Variants in TAFA2 observed in about 807,000 individuals in gnomAD.
TAFA2 encodes TAFA chemokine like family member 2.
TAFA2 carries 7 observed loss-of-function variants against 18.8 expected under a neutral mutation model. That is an observed-to-expected ratio of 0.37 (90% CI 0.21 to 0.70). The LOEUF is 0.70. TAFA2 is among the 30% of genes least tolerant of loss of function. The pLI is 0.53. For synonymous variants in TAFA2, 60 were observed against 54.2 expected, an observed-to-expected ratio of 1.11 and a Z score of -0.47; for missense variants, 122 against 158.1, an observed-to-expected ratio of 0.77 and a Z score of 1.23.
At chr12:62,070,634 A>T (rs997046105) in intron 1 of TAFA2, 43 of 152,152 alleles carry the variant, frequency 2.8e-4, no homozygotes, top group African/African-American at 1.0e-3. Context: ...TTCAGAAATC[A>T]TTTGCACTTC....
intron 1 of TAFA2, among the ~76,000 whole-genome samples, chr12:61,985,346 G>T (rs1208498298): frequency 6.6e-6 from 1 of 152,296 alleles, no homozygotes; most frequent in Non-Finnish European, 1.5e-5. Flanking sequence ...GAGCCATAAA[G>T]GACAAACGAT....
At chr12:62,035,729 C>CTTTTT (rs1881583307) in intron 1 of TAFA2, among the ~76,000 whole-genome samples, 1 of 74,758 alleles carries the variant, frequency 1.3e-5, no homozygotes, top group African/African-American at 5.7e-5. Context: ...GTCAATGATT[C>CTTTTT]TTTCTTTTTT....
At chr12:61,897,542 A>G (rs1233201620) in intron 1 of TAFA2, among the ~76,000 whole-genome samples, 2 of 151,652 alleles carry the variant, frequency 1.3e-5, no homozygotes, top group East Asian at 3.9e-4. Context: ...AGCAGGTGAG[A>G]GAGAGAGGAA....
intron 1 of TAFA2, among the ~76,000 whole-genome samples, chr12:61,937,189 T>C (rs918267376): frequency 8.5e-5 from 13 of 152,208 alleles, no homozygotes; most frequent in African/African-American, 2.9e-4. Context: ...CCCAGGTTCA[T>C]GAATTGGAAG....
intron 1 of TAFA2, among the ~76,000 whole-genome samples, chr12:62,163,809 G>A (rs960699548): frequency 6.6e-6 from 1 of 151,986 alleles, no homozygotes; most frequent in Non-Finnish European, 1.5e-5. Context: ...TCTTCAAAAA[G>A]CTGGACAAAG....
chr12:61,805,643 A>C (rs1008208587), intron 2 of TAFA2, among the ~76,000 whole-genome samples: 1 of 152,110 alleles, frequency 6.6e-6, no homozygotes, highest in Non-Finnish European at 1.5e-5. Context: ...AGATGCCCCA[A>C]ACAATCCTCT....
chr12:61,925,878 C>T (rs182655992), intron 1 of TAFA2, among the ~76,000 whole-genome samples: 28 of 152,108 alleles, frequency 1.8e-4, no homozygotes, highest in African/African-American at 2.4e-4. Context: ...GATACAGACA[C>T]GAAAAGCCCT....
chr12:62,151,117 C>T (rs1402292159), intron 1 of TAFA2, among the ~76,000 whole-genome samples: 1 of 152,132 alleles, frequency 6.6e-6, no homozygotes, highest in Non-Finnish European at 1.5e-5. Flanking sequence ...TTATTTCTCA[C>T]GTCTGTTCAA....
chr12:62,140,131 G>A (rs1278149907), intron 1 of TAFA2: 1 of 152,182 alleles, frequency 6.6e-6, no homozygotes, highest in Non-Finnish European at 1.5e-5. Flanking sequence ...GTCCTGGGAA[G>A]TTGGCAGATT....
chr12:61,855,925 C>T (rs961299451), intron 2 of TAFA2, among the ~76,000 whole-genome samples: 3 of 151,770 alleles, frequency 2.0e-5, no homozygotes, highest in African/African-American at 7.3e-5. Context: ...GCATCAAAGA[C>T]AAAATAAAAG....
chr12:61,728,946 T>G (rs1870308742), intron 4 of TAFA2, among the ~76,000 whole-genome samples: 1 of 152,080 alleles, frequency 6.6e-6, no homozygotes, highest in East Asian at 1.9e-4. Context: ...TAGTAGCAAA[T>G]TCTCTCAGCA....
At chr12:62,167,233 A>C (rs565707802) in intron 1 of TAFA2, among the ~76,000 whole-genome samples, 3 of 152,264 alleles carry the variant, frequency 2.0e-5, no homozygotes, top group African/African-American at 4.8e-5. Context: ...GAAGGGGACA[A>C]GGACAGAAGC....
chr12:61,877,398 T>C (rs914388868), intron 1 of TAFA2, among the ~76,000 whole-genome samples: 7 of 152,144 alleles, frequency 4.6e-5, no homozygotes, highest in Non-Finnish European at 1.0e-4. Flanking sequence ...TATGCAATCA[T>C]ATGGCAAAGC....
chr12:62,127,219 A>G (rs1373456), intron 1 of TAFA2, among the ~76,000 whole-genome samples: 35,091 of 151,854 alleles, frequency 0.23, 4,362 homozygotes, highest in East Asian at 0.37. Flanking sequence ...GTTATCAGAA[A>G]CCCAAAAAGG....
intron 1 of TAFA2, among the ~76,000 whole-genome samples, chr12:62,229,440 T>G (rs2062802538): frequency 6.6e-6 from 1 of 152,150 alleles, no homozygotes; most frequent in Non-Finnish European, 1.5e-5. Context: ...TGTTGAATAT[T>G]GTCAAACACT....
intron 2 of TAFA2, among the ~76,000 whole-genome samples, chr12:61,828,114 A>C (rs1872589651): frequency 6.6e-6 from 1 of 151,972 alleles, no homozygotes; most frequent in Non-Finnish European, 1.5e-5. Context: ...CATTTTAAAC[A>C]ACCTGTGTAC....
intron 1 of TAFA2, among the ~76,000 whole-genome samples, chr12:62,124,269 A>G (rs906154717): frequency 6.6e-6 from 1 of 152,002 alleles, no homozygotes; most frequent in African/African-American, 2.4e-5. Context: ...CAAAGGTCAT[A>G]TAAGGTCTCT....
chr12:61,927,222 T>C (rs1303786704), intron 1 of TAFA2, among the ~76,000 whole-genome samples: 1 of 151,896 alleles, frequency 6.6e-6, no homozygotes, highest in East Asian at 1.9e-4. Context: ...GGAAGTCAAA[T>C]AGTCTCTGTT....
At chr12:61,820,515 T>C (rs1485739496) in intron 2 of TAFA2, among the ~76,000 whole-genome samples, 3 of 134,778 alleles carry the variant, frequency 2.2e-5, no homozygotes, top group South Asian at 2.3e-4. Context: ...GTAAGGAATA[T>C]AAAAAGAAGA....
Sources: gnomAD v4.1 joint callset for allele counts (sites outside exome capture counted in the v4.1 genomes callset) on GRCh38, gnomAD v4.1.1 for gene constraint, MANE v1.5 for transcripts, NCBI Gene and HGNC (gene_info 2026-07-23, HGNC 2026-07-21) for gene names.